The following SDK1 variants were observed in gnomAD, a reference collection of about 807,000 sequenced individuals.
The protein encoded by SDK1 is protein sidekick-1.
Under a neutral mutation model 245.5 loss-of-function variants are expected in SDK1, and 157 were observed. The observed-to-expected ratio is 0.64, with a 90% confidence interval of 0.56 to 0.73. The LOEUF (loss-of-function observed/expected upper bound fraction) is 0.73, where lower values mean the gene tolerates loss of function less well. Ranked by LOEUF, SDK1 falls within the 30% of genes least tolerant of loss-of-function variation. The pLI is 0.00. For missense variants in SDK1, 3,583 were observed against 3,002.3 expected (o/e 1.19, Z -4.52); for synonymous variants, 1,647 against 1,278.5 (o/e 1.29, Z -6.15).
chr7:3,459,655 C>G (rs1780775631), intron 1 of SDK1, among the ~76,000 whole-genome samples: 1 of 152,146 alleles, frequency 6.6e-6, no homozygotes, highest in South Asian at 2.1e-4. Flanking sequence ...TTCTAAGTCC[C>G]CACCCCATAA....
chr7:3,471,826 A>C (rs1367382225), intron 1 of SDK1, among the ~76,000 whole-genome samples: 1 of 152,200 alleles, frequency 6.6e-6, no homozygotes, highest in Non-Finnish European at 1.5e-5. Flanking sequence ...ATAGTAGTTT[A>C]AAACACTCTT....
intron 1 of SDK1, among the ~76,000 whole-genome samples, chr7:3,330,535 A>G (rs781715439): frequency 1.6e-4 from 24 of 152,116 alleles, no homozygotes; most frequent in Non-Finnish European, 3.4e-4. Context: ...TTGCACTGAC[A>G]TGCATGTGTT....
intron 35 of SDK1, among the ~76,000 whole-genome samples, chr7:4,189,384 A>C (rs1186016947): frequency 6.6e-6 from 1 of 152,224 alleles, no homozygotes; most frequent in African/African-American, 2.4e-5. Context: ...TCCAGCAAAA[A>C]GAGCAACATA....
chr7:3,665,211 A>G (rs1783489129), intron 4 of SDK1, among the ~76,000 whole-genome samples: 1 of 152,118 alleles, frequency 6.6e-6, no homozygotes, highest in Admixed American at 6.5e-5. Flanking sequence ...ACACATGGGG[A>G]CCACCCTGTG....
intron 22 of SDK1, among the ~76,000 whole-genome samples, chr7:4,106,763 C>A (rs757960658): frequency 6.6e-6 from 1 of 152,130 alleles, no homozygotes; most frequent in African/African-American, 2.4e-5. Flanking sequence ...GGCAGCCTCC[C>A]GGGCCTTACT....
rs10231715 is a variant in SDK1 at position 3,853,356 on chromosome 7, A to G, written c.847+31773A>G. Among the ~76,000 whole-genome samples, 1,401 of 152,186 alleles carry G rather than the reference A, an allele frequency of 9.2e-3. 23 individuals carry two copies. The highest frequency in any genetic ancestry group is 0.032 in the African/African-American group (1,333 of 41,526). Reference sequence around the variant, plus strand: ...TGCTGGCAATATAGCCATAAACATAACTGTCCTCAAGGATGTCACAATCCA... The same window carrying G: ...TGCTGGCAATATAGCCATAAACATAGCTGTCCTCAAGGATGTCACAATCCA... On this transcript the variant is annotated intron_variant, in intron 5 of 44. Coordinates refer to ENST00000404826, the MANE Select transcript of SDK1 (RefSeq NM_152744.4).
At position 4,040,278 on chromosome 7, in the gene SDK1, T is replaced by C. The variant is rs80285963; in HGVS notation, c.2603-9070T>C. On this transcript the variant is annotated intron_variant, in intron 17 of 44. Coordinates refer to ENST00000404826, the MANE Select transcript of SDK1 (RefSeq NM_152744.4). ...TTAATCCAGTCCCTGCTCCTCTGCCTGAGCACTTAGGTTCCCCCACCGTGG... is the reference window on the plus strand; with the variant it reads ...TTAATCCAGTCCCTGCTCCTCTGCCCGAGCACTTAGGTTCCCCCACCGTGG... Among the ~76,000 whole-genome samples, 1,055 of 152,306 alleles carry C rather than the reference T, an allele frequency of 6.9e-3. 10 individuals are homozygous for C. Among genetic ancestry groups the C allele is most frequent in the African/African-American group, 0.024 (984 of 41,568 alleles).
intron 1 of SDK1, among the ~76,000 whole-genome samples, chr7:3,389,730 A>G (rs909995219): frequency 2.8e-5 from 4 of 145,432 alleles, no homozygotes; most frequent in African/African-American, 1.0e-4. Flanking sequence ...GTGCCACTGC[A>G]CTCCACAGCC....
At chr7:3,722,979 C>T (rs767664245) in intron 4 of SDK1, among the ~76,000 whole-genome samples, 5 of 152,188 alleles carry the variant, frequency 3.3e-5, no homozygotes, top group Non-Finnish European at 7.3e-5. Context: ...TTAAACTTCA[C>T]ATTACTCTTT....
At chr7:3,991,479 A>G (rs1784316705) in intron 14 of SDK1, among the ~76,000 whole-genome samples, 2 of 152,118 alleles carry the variant, frequency 1.3e-5, no homozygotes, top group Admixed American at 1.3e-4. Context: ...CAAGACTGGG[A>G]ACCCCTTCAG....
intron 1 of SDK1, among the ~76,000 whole-genome samples, chr7:3,565,113 T>G (rs1220842690): frequency 6.6e-6 from 1 of 152,026 alleles, no homozygotes; most frequent in Non-Finnish European, 1.5e-5. Context: ...TTACTTTTTT[T>G]TTTTTTTAAA....
At chr7:3,408,334 G>C (rs1175826843) in intron 1 of SDK1, among the ~76,000 whole-genome samples, 1 of 152,070 alleles carries the variant, frequency 6.6e-6, no homozygotes, top group African/African-American at 2.4e-5. Context: ...CAGAAGCCAT[G>C]GTGCTTGGCC....
In SDK1 at chr7:4,136,280, C is replaced by T. The variant is rs529875470; in HGVS notation, c.4228+3857C>T. Among the ~76,000 whole-genome samples, 72 of 152,248 alleles carry T rather than the reference C, an allele frequency of 4.7e-4. 1 individual carries two copies. Among genetic ancestry groups the T allele is most frequent in the Non-Finnish European group, 3.8e-4 (26 of 68,012 alleles). ...TCATTACAGCCGGCACACCACACGG[C>T]GGAGGCTGCAGGAAGACAGGAAGAC... On this transcript the variant is annotated intron_variant, in intron 28 of 44. Coordinates refer to ENST00000404826, the MANE Select transcript of SDK1 (RefSeq NM_152744.4).
intron 19 of SDK1, among the ~76,000 whole-genome samples, chr7:4,053,129 G>C (rs1159981119): frequency 2.7e-5 from 4 of 148,838 alleles, no homozygotes; most frequent in Non-Finnish European, 1.5e-5. Flanking sequence ...TATTTTTTAA[G>C]TCACCCTGGG....
intron 1 of SDK1, among the ~76,000 whole-genome samples, chr7:3,471,383 G>C (rs913469262): frequency 3.9e-5 from 6 of 152,076 alleles, no homozygotes; most frequent in African/African-American, 1.4e-4. Context: ...ATTTTTATTA[G>C]AACTTATTTC....
At chr7:3,396,003 T>C (rs927650697) in intron 1 of SDK1, among the ~76,000 whole-genome samples, 1 of 151,918 alleles carries the variant, frequency 6.6e-6, no homozygotes, top group Non-Finnish European at 1.5e-5. Context: ...TCCCTTGATA[T>C]GGTTTAGTCT....
intron 22 of SDK1, among the ~76,000 whole-genome samples, chr7:4,086,461 C>A (rs1192684073): frequency 1.3e-5 from 2 of 152,128 alleles, no homozygotes; most frequent in Non-Finnish European, 2.9e-5. Context: ...CGGCAGAATT[C>A]AGTCCTTGCA....
intron 1 of SDK1, among the ~76,000 whole-genome samples, chr7:3,387,943 T>G (rs1781651368): frequency 6.6e-6 from 1 of 152,198 alleles, no homozygotes. Context: ...GTTACATAAT[T>G]TGCTATTAAG....
intron 1 of SDK1, among the ~76,000 whole-genome samples, chr7:3,399,940 T>C (rs1429099680): frequency 6.6e-6 from 1 of 152,160 alleles, no homozygotes; most frequent in African/African-American, 2.4e-5. Flanking sequence ...CAATTGCAGC[T>C]GATTGTTTTT....
Sources: allele counts gnomAD v4.1 joint callset (sites outside exome capture counted in the v4.1 genomes callset), GRCh38; gene constraint gnomAD v4.1.1; transcripts MANE v1.5; gene names NCBI Gene and HGNC (gene_info 2026-07-23, HGNC 2026-07-21).